RHOBTB2: variants seen among roughly 807,000 people sequenced by gnomAD.
The protein encoded by RHOBTB2 is rho-related BTB domain-containing protein 2.
RHOBTB2 carries 39 observed loss-of-function variants against 66.5 expected under a neutral mutation model. The ratio of observed to expected loss-of-function variants is 0.59; its 90% CI spans 0.45 to 0.77. The LOEUF (loss-of-function observed/expected upper bound fraction) is 0.77. RHOBTB2 is among the 30% of genes least tolerant of loss of function. RHOBTB2 has a pLI of 0.00. For synonymous variants in RHOBTB2, 390 were observed against 395.0 expected (o/e 0.99, Z 0.15); for missense variants, 755 against 999.1 (o/e 0.76, Z 3.29).
chr8:22,964,636 C>T, the RHOBTB2 span, among the ~76,000 whole-genome samples: 2 of 152,010 alleles, frequency 1.3e-5, no homozygotes, highest in African/African-American at 4.8e-5. Flanking sequence ...GGCTCCAAGA[C>T]ACCATACAAT....
chr8:23,008,160 C>G, intron 6 of RHOBTB2, 49 bp downstream of exon 6: 1 of 1,285,532 alleles, frequency 7.8e-7, no homozygotes, highest in Non-Finnish European at 1.1e-6. Flanking sequence ...GACATTTGCA[C>G]CCTTTACATC....
At chr8:22,982,500 T>C (rs376914144), upstream of RHOBTB2, among the ~76,000 whole-genome samples, 160 of 152,276 alleles carry the variant, frequency 1.1e-3, 2 homozygotes, top group Middle Eastern at 6.8e-3. Flanking sequence ...TGGGTGCCTG[T>C]AACCCCAGCT....
chr8:23,001,599 TAAG>T (rs1411637981), intron 1 of RHOBTB2, among the ~76,000 whole-genome samples: 4 of 152,152 alleles, frequency 2.6e-5, no homozygotes, highest in Non-Finnish European at 4.4e-5. Flanking sequence ...CCACATTACA[TAAG>T]AAGACAAATA....
chr8:22,976,064 T>G, the RHOBTB2 span, among the ~76,000 whole-genome samples: 1 of 152,086 alleles, frequency 6.6e-6, no homozygotes, highest in East Asian at 1.9e-4. Context: ...GAGAATCACT[T>G]AAACCCAGGA....
At chr8:23,002,796 C>G (rs1585188044) in intron 1 of RHOBTB2, among the ~76,000 whole-genome samples, 1 of 152,162 alleles carries the variant, frequency 6.6e-6, no homozygotes, top group Admixed American at 6.5e-5. Flanking sequence ...ATGGAGACCT[C>G]GTTGAAGGGT....
chr8:22,982,403 C>T, the RHOBTB2 span, among the ~76,000 whole-genome samples: 618 of 152,264 alleles, frequency 4.1e-3, 7 homozygotes, highest in Non-Finnish European at 3.0e-3. Flanking sequence ...CGGTGGATCA[C>T]TTGAGGTCAG....
At chr8:23,005,664 C>G in intron 3 of RHOBTB2, among the ~76,000 whole-genome samples, 189 bp downstream of exon 3, 1 of 152,168 alleles carries the variant, frequency 6.6e-6, no homozygotes, top group East Asian at 1.9e-4. Flanking sequence ...GATCAGGAAG[C>G]CTGGATTGAG....
rs534215122 is a variant in RHOBTB2 at position 23,008,772 on chromosome 8, A to T, written c.1620+661A>T. Among the ~76,000 whole-genome samples, 18 of 152,192 alleles carry T rather than the reference A, an allele frequency of 1.2e-4. No homozygotes were observed. The South Asian group carries it at 3.1e-3, about 26-fold the overall frequency. ...CAGGTTTAGGATTAGCTGTTTGAAT[A>T]ATGTTAGCCGGCTCTGGGGCCTGGA... On this transcript the variant is annotated intron_variant, in intron 6 of 9. Transcript: ENST00000251822.
Position 23,019,991 on chromosome 8 carries a change from C to G in RHOBTB2, c.*2522C>G, listed in dbSNP as rs1198020955. ...TCTGGGGAGTCGGATTCAGGAAACA[C>G]CCCCAGGAGGCCAAGCCTGAAAACA... On this transcript the variant is annotated 3_prime_UTR_variant, in exon 10 of 10. Transcript: ENST00000251822. 3.2e-6 allele frequency: 1 copy of G among 315,966 alleles called. No homozygotes were observed. The highest frequency in any genetic ancestry group is 6.2e-6 in the Non-Finnish European group (1 of 162,144). The allele number at this position is 315,966 out of a possible 1,614,324, so 19.6% of individuals were successfully genotyped here.
upstream of RHOBTB2, among the ~76,000 whole-genome samples, chr8:22,985,314 T>A (rs1475244335): frequency 6.6e-6 from 1 of 152,246 alleles, no homozygotes; most frequent in Non-Finnish European, 1.5e-5. Context: ...AGGGAGGCAC[T>A]GCGTCACAGG....
Position 23,006,800 on chromosome 8 carries a change from CTAT to C in RHOBTB2, c.556_558del (p.Tyr186del). 1 of 1,614,150 alleles carries C rather than the reference CTAT, an allele frequency of 6.2e-7. No homozygotes were observed. The highest frequency in any genetic ancestry group is 8.5e-7 in the Non-Finnish European group (1 of 1,180,018). The stretch of plus-strand genomic sequence containing the variant: ...TGGCCAAGGAGCTGGGCATCCCCTA[CTAT>C]GAGACCAGCGTGGTGGCCCAGTTCG... On this transcript the variant is annotated inframe_deletion, in exon 5 of 10. Coordinates refer to ENST00000251822, the MANE Select transcript of RHOBTB2 (RefSeq NM_015178.3). The surrounding 1 kb of genome is among the most constrained non-coding windows in gnomAD (Gnocchi z 6.1).
the RHOBTB2 span, among the ~76,000 whole-genome samples, chr8:22,955,777 C>T: frequency 6.6e-6 from 1 of 152,022 alleles, no homozygotes; most frequent in Admixed American, 6.6e-5. Context: ...ATTATGTTGG[C>T]CAAGCTGATC....
chr8:22,999,604 C>G lies in RHOBTB2; in HGVS notation c.-512C>G, dbSNP rs1249456661. ...ATTTTTTTCTCCTCCTTTTTTTACCCTCCCGTTTTTTTCTTTTCTTTTTTT... is the reference window on the plus strand; with the variant it reads ...ATTTTTTTCTCCTCCTTTTTTTACCGTCCCGTTTTTTTCTTTTCTTTTTTT... On this transcript the variant is annotated 5_prime_UTR_variant, in exon 1 of 10. Coordinates refer to ENST00000251822, the MANE Select transcript of RHOBTB2 (RefSeq NM_015178.3). The G allele has an allele frequency of 1.1e-5, 14 of 1,229,072 alleles. No individual in the cohort carries two copies. Among genetic ancestry groups the G allele is most frequent in the Non-Finnish European group, 1.4e-5 (14 of 966,502 alleles). The allele number at this position is 1,229,072 out of a possible 1,614,324, so 76.1% of individuals were successfully genotyped here. A position where few individuals can be genotyped will look rare whatever the true frequency, so the allele number is the denominator to read the frequency against.
At chr8:22,960,265 T>G in the RHOBTB2 span, among the ~76,000 whole-genome samples, 2 of 151,506 alleles carry the variant, frequency 1.3e-5, no homozygotes, top group Non-Finnish European at 2.9e-5. Flanking sequence ...TATAAGAAAG[T>G]TTAGAAGAAG....
chr8:23,007,281 GACGTGTGCGAGA>G lies in RHOBTB2; in HGVS notation c.1037_1048del (p.Asp346_Ser350delinsGly), dbSNP rs1299915572. The G allele has an allele frequency of 1.2e-6, 2 of 1,613,620 alleles. No individual in the cohort carries two copies. The highest frequency in any genetic ancestry group is 2.2e-5 in the South Asian group (2 of 91,056). On this transcript the variant is annotated inframe_deletion, in exon 5 of 10. Transcript: ENST00000251822. The stretch of plus-strand genomic sequence containing the variant: ...CTTCCTGCTCCGAGCAGCCAGCTTT[GACGTGTGCGAGA>G]GCGTGGATGAGGCTGGGGGCTCCGG...
chr8:22,978,985 C>A, the RHOBTB2 span, among the ~76,000 whole-genome samples: 10 of 152,070 alleles, frequency 6.6e-5, no homozygotes, highest in Non-Finnish European at 1.5e-4. Context: ...TACATATATT[C>A]CCATCTTTAT....
chr8:23,017,525 T>C lies in RHOBTB2; in HGVS notation c.*56T>C. ...TGTTGTCCCCATCCGCCTTCACCCC[T>C]CTGCTCTTCCGCATCACCCCATCCA... On this transcript the variant is annotated 3_prime_UTR_variant, in exon 10 of 10. Coordinates refer to ENST00000251822, the MANE Select transcript of RHOBTB2 (RefSeq NM_015178.3). The surrounding 1 kb of genome is among the most constrained non-coding windows in gnomAD (Gnocchi z 5.3). 1 of 1,547,388 alleles carries C rather than the reference T, an allele frequency of 6.5e-7. No homozygotes were observed. Among genetic ancestry groups the C allele is most frequent in the Non-Finnish European group, 8.7e-7 (1 of 1,144,994 alleles).
upstream of RHOBTB2, among the ~76,000 whole-genome samples, chr8:22,995,519 A>G (rs1355409644): frequency 6.6e-6 from 1 of 152,252 alleles, no homozygotes; most frequent in Non-Finnish European, 1.5e-5. Flanking sequence ...ATGAGTACAC[A>G]TTTATCTGGT....
rs377445883 is a variant in RHOBTB2, at chr8:23,015,662, G to A, written c.1885G>A (p.Asp629Asn). ...AQFHCAYQLA[D>N]WCLHHICTNY... is the part of the protein sequence containing the mutation. ...GTTCCACTGTGCGTACCAGCTGGCC[G>A]ACTGGTGTCTCCACCACATCTGCAC... Residue 629 changes from aspartate (D) to asparagine (N), a missense_variant, in exon 9 of 10, where the codon GAC becomes AAC. Physicochemically the swap from Asp to Asn is conservative, Grantham distance 23 (BLOSUM62 1). This residue lies in a region of RHOBTB2 where 353 missense variants were observed against 458.2 expected (regional missense o/e 0.77). Transcript: ENST00000251822. 3.3e-5 allele frequency: 54 copies of A among 1,613,312 alleles called. No individual in the cohort carries two copies. Among genetic ancestry groups the A allele is most frequent in the African/African-American group, 1.1e-4 (8 of 74,852 alleles).
Sources: gnomAD v4.1 joint callset for allele counts (sites outside exome capture counted in the v4.1 genomes callset) on GRCh38, gnomAD v4.1.1 for gene constraint, gnomAD v4.1.1 regional missense constraint, Gnocchi (gnomAD v3.1) non-coding constraint, MANE v1.5 for transcripts, NCBI Gene and HGNC (gene_info 2026-07-23, HGNC 2026-07-21) for gene names.